The following HERC1 variants were observed in gnomAD, a reference collection of about 807,000 sequenced individuals.
HERC1 encodes the protein probable E3 ubiquitin-protein ligase HERC1.
Under a neutral mutation model 554.3 loss-of-function variants are expected in HERC1, and 160 were observed. The observed-to-expected ratio is 0.29, with a 90% CI of 0.25 to 0.33. The LOEUF (loss-of-function observed/expected upper bound fraction) is 0.33. HERC1 is among the 10% of genes least tolerant of loss of function. The pLI is 1.00. For missense variants in HERC1, 4,919 were observed against 5,918.5 expected (o/e 0.83, Z 5.54); for synonymous variants, 2,175 against 2,131.7 (o/e 1.02, Z -0.56).
intron 1 of HERC1, among the ~76,000 whole-genome samples, chr15:63,815,796 T>G (rs1278576327): frequency 1.3e-5 from 2 of 152,156 alleles, no homozygotes; most frequent in East Asian, 3.8e-4. Context: ...GGAAAGAGGT[T>G]TAATTGCCTC....
chr15:63,711,715 A>G (rs1221116315), intron 24 of HERC1, among the ~76,000 whole-genome samples: 2 of 152,198 alleles, frequency 1.3e-5, no homozygotes, highest in African/African-American at 2.4e-5. Context: ...AAACGCTAGC[A>G]TTTCTCTATG....
chr15:63,800,639 G>C (rs975961892), intron 1 of HERC1, among the ~76,000 whole-genome samples: 8 of 152,182 alleles, frequency 5.3e-5, no homozygotes, highest in Non-Finnish European at 8.8e-5. Context: ...ACAGCATCCA[G>C]TACTTTACCT....
chr15:63,792,976 AG>A (rs1249013223), intron 1 of HERC1, among the ~76,000 whole-genome samples: 1 of 152,252 alleles, frequency 6.6e-6, no homozygotes, highest in Non-Finnish European at 1.5e-5. Context: ...CACAGAACTC[AG>A]GGAAACACTT....
intron 1 of HERC1, among the ~76,000 whole-genome samples, chr15:63,787,003 A>G (rs1432224443): frequency 2.7e-5 from 4 of 145,992 alleles, no homozygotes; most frequent in African/African-American, 7.7e-5. Flanking sequence ...CACCATGCCC[A>G]GCTAATTTTT....
At chr15:63,804,807 C>T (rs2077091151) in intron 1 of HERC1, among the ~76,000 whole-genome samples, 1 of 152,104 alleles carries the variant, frequency 6.6e-6, no homozygotes, top group African/African-American at 2.4e-5. Context: ...ACCAAAGATA[C>T]ATAAACAGCC....
At chr15:63,715,254 T>C (rs1335512510) in intron 22 of HERC1, among the ~76,000 whole-genome samples, 1 of 152,246 alleles carries the variant, frequency 6.6e-6, no homozygotes, top group Non-Finnish European at 1.5e-5. Flanking sequence ...GCCTGGCATA[T>C]ATAGATGCTC....
In HERC1 at chr15:63,764,196, A is replaced by G; in HGVS notation, c.931-5T>C. 1.3e-6 allele frequency: 2 copies of G among 1,594,796 alleles called. No homozygotes were observed. The highest frequency in any genetic ancestry group is 8.6e-7 in the Non-Finnish European group (1 of 1,165,854). On this transcript the variant is annotated splice_polypyrimidine_tract_variant and splice_region_variant and intron_variant, in intron 2 of 77. Coordinates refer to ENST00000443617, the MANE Select transcript of HERC1 (RefSeq NM_003922.4). ...ACTCCGATCAGCAGATGAACCCTATAATTAAAACATTGCGGGACACAGCGT... is the reference window on the plus strand; with the variant it reads ...ACTCCGATCAGCAGATGAACCCTATGATTAAAACATTGCGGGACACAGCGT...
At chr15:63,615,708 G>C in intron 76 of HERC1, 60 bp downstream of exon 76, 1 of 1,417,514 alleles carries the variant, frequency 7.1e-7, no homozygotes, top group Non-Finnish European at 9.5e-7. Flanking sequence ...TACCCAGTCA[G>C]CTCTCATTTG....
At chr15:63,768,528 T>C (rs2075852623) in intron 2 of HERC1, among the ~76,000 whole-genome samples, 3 of 152,228 alleles carry the variant, frequency 2.0e-5, no homozygotes, top group Non-Finnish European at 2.9e-5. Flanking sequence ...TAGTTAGCTG[T>C]GAAGCATTTC....
intron 2 of HERC1, among the ~76,000 whole-genome samples, chr15:63,772,710 T>C (rs1336107219): frequency 6.6e-6 from 1 of 152,114 alleles, no homozygotes; most frequent in African/African-American, 2.4e-5. Flanking sequence ...CCCTAAAGCC[T>C]TTCCTAATTA....
intron 5 of HERC1, among the ~76,000 whole-genome samples, chr15:63,755,626 G>C (rs1200913870): frequency 6.6e-6 from 1 of 152,058 alleles, no homozygotes; most frequent in African/African-American, 2.4e-5. Context: ...TAAAAAATAT[G>C]AAAATTAGCC....
chr15:63,740,853 A>G (rs1024209988), intron 12 of HERC1, among the ~76,000 whole-genome samples: 1 of 152,306 alleles, frequency 6.6e-6, no homozygotes, highest in East Asian at 1.9e-4. Context: ...ACTTACAAGT[A>G]TCTCTCCCAT....
chr15:63,702,562 G>A (rs909368594), intron 25 of HERC1, among the ~76,000 whole-genome samples: 3 of 152,076 alleles, frequency 2.0e-5, no homozygotes, highest in Non-Finnish European at 4.4e-5. Context: ...TTGTCTTTCT[G>A]TAAACAATCG....
At position 63,718,701 on chromosome 15, in the gene HERC1, G is replaced by A; in HGVS notation, c.3858-7C>T. ...GTGTTTACCAGGTTGATATCTAAAT[G>A]AAGAACCAAAATAGAAAAGTTACCT... On this transcript the variant is annotated splice_polypyrimidine_tract_variant and splice_region_variant and intron_variant, in intron 20 of 77. Coordinates refer to ENST00000443617, the MANE Select transcript of HERC1 (RefSeq NM_003922.4). This position sits in a 1 kb window ranked among gnomAD's most constrained non-coding sequence, Gnocchi z 4.2. 10 of 1,601,400 alleles carry A rather than the reference G, an allele frequency of 6.2e-6. No homozygotes were observed. The highest frequency in any genetic ancestry group is 8.5e-6 in the Non-Finnish European group (10 of 1,170,622).
At chr15:63,815,614 G>GA (rs1322054583) in intron 1 of HERC1, among the ~76,000 whole-genome samples, 2 of 152,130 alleles carry the variant, frequency 1.3e-5, no homozygotes, top group Non-Finnish European at 2.9e-5. Flanking sequence ...TTTTCTCACT[G>GA]AAAAATGTCT....
At chr15:63,647,139 A>G (rs1595887361) in intron 55 of HERC1, among the ~76,000 whole-genome samples, 1 of 152,244 alleles carries the variant, frequency 6.6e-6, no homozygotes. Context: ...CTGTAATCCC[A>G]GCTACTCAGG....
At chr15:63,821,726 CAAAA>C (rs35074987) in intron 1 of HERC1, among the ~76,000 whole-genome samples, 1 of 62,466 alleles carries the variant, frequency 1.6e-5, no homozygotes, top group African/African-American at 7.0e-5. Flanking sequence ...TACCCTGTCT[CAAAA>C]AAAAAAAAAA....
chr15:63,740,873 T>A (rs1204846066), intron 12 of HERC1, among the ~76,000 whole-genome samples: 1 of 152,236 alleles, frequency 6.6e-6, no homozygotes, highest in Admixed American at 6.5e-5. Flanking sequence ...TTCTGTGTGC[T>A]GTCTTCATTT....
At chr15:63,619,217 T>G (rs980631141) in intron 74 of HERC1, among the ~76,000 whole-genome samples, 19 of 152,350 alleles carry the variant, frequency 1.2e-4, no homozygotes, top group Non-Finnish European at 1.9e-4. Flanking sequence ...CGTTGTTGAA[T>G]TTTGTCAAAG....
Sources: gnomAD v4.1 joint callset for allele counts (sites outside exome capture counted in the v4.1 genomes callset) on GRCh38, gnomAD v4.1.1 for gene constraint, Gnocchi (gnomAD v3.1) non-coding constraint, MANE v1.5 for transcripts, NCBI Gene and HGNC (gene_info 2026-07-23, HGNC 2026-07-21) for gene names.